Variants in ZFAND6 observed in about 807,000 individuals in gnomAD.
The protein encoded by ZFAND6 is AN1-type zinc finger protein 6.
A neutral mutation model predicts 24.5 loss-of-function variants in ZFAND6; 12 were observed. That is an observed-to-expected ratio of 0.49 (90% confidence interval 0.31 to 0.79). ZFAND6 has a LOEUF of 0.79. ZFAND6 is among the 30% of genes least tolerant of loss of function. ZFAND6 has a pLI of 0.04. For synonymous variants in ZFAND6, 92 were observed against 81.5 expected (o/e 1.13, Z -0.69); for missense variants, 207 against 245.9 (o/e 0.84, Z 1.06).
At chr15:80,092,957 A>G (rs936338459) in intron 1 of ZFAND6, among the ~76,000 whole-genome samples, 12 of 141,944 alleles carry the variant, frequency 8.5e-5, no homozygotes, top group Admixed American at 2.1e-4. Context: ...GGCTACTACA[A>G]TTTTTTTTTT....
chr15:80,074,131 T>G (rs1320013603), intron 1 of ZFAND6, among the ~76,000 whole-genome samples: 2 of 151,924 alleles, frequency 1.3e-5, no homozygotes, highest in Non-Finnish European at 2.9e-5. Context: ...CCTATGGAGC[T>G]CTCTGACTTG....
Position 80,120,313 on chromosome 15 carries a change from T to G in ZFAND6, c.-17-15T>G. 1 of 1,490,594 alleles carries G rather than the reference T, an allele frequency of 6.7e-7. No individual in the cohort carries two copies. The highest frequency in any genetic ancestry group is 9.0e-7 in the Non-Finnish European group (1 of 1,112,046). 92.3% of individuals were successfully genotyped at this position (1,490,594 alleles called of 1,614,324 possible). On this transcript the variant is annotated splice_polypyrimidine_tract_variant and intron_variant, in intron 2 of 6. Coordinates refer to ENST00000261749, the MANE Select transcript of ZFAND6 (RefSeq NM_019006.4). ...TACGTGTCTGAGTTCTTTGCTAATT[T>G]TATGTAATTTTCAGGTGTGCAACTG...
At chr15:80,112,299 G>T (rs993566799) in intron 2 of ZFAND6, among the ~76,000 whole-genome samples, 4 of 152,126 alleles carry the variant, frequency 2.6e-5, no homozygotes, top group Non-Finnish European at 5.9e-5. Flanking sequence ...AGCACAGTCA[G>T]TACAGTAGTC....
chr15:80,073,426 TAGAG>T, intron 1 of ZFAND6: 1 of 204,424 alleles, frequency 4.9e-6, no homozygotes, highest in South Asian at 5.7e-5. Flanking sequence ...GAATATTTTT[TAGAG>T]ACTGTTTTCT....
chr15:80,067,461 G>A lies in ZFAND6; in HGVS notation c.-181+7652G>A, dbSNP rs895274197. Among the ~76,000 whole-genome samples the A allele has an allele frequency of 4.6e-5, 7 of 151,966 alleles. No individual in the cohort carries two copies. The South Asian group carries it at 1.5e-3, about 32-fold the overall frequency. On this transcript the variant is annotated intron_variant, in intron 1 of 6. Transcript: ENST00000261749. The stretch of plus-strand genomic sequence containing the variant: ...GGCTTCATGGGCTCATTTTATATTG[G>A]GCTTTTCTTTCATAAACATTTGTAA...
intron 2 of ZFAND6, among the ~76,000 whole-genome samples, chr15:80,111,079 A>G (rs948097952): frequency 7.0e-4 from 106 of 152,232 alleles, no homozygotes; most frequent in African/African-American, 2.5e-3. Flanking sequence ...TTCAGATTCA[A>G]TTGTTGAGTA....
intron 6 of ZFAND6, 22 bp downstream of exon 6, chr15:80,131,315 T>C (rs575828261): frequency 1.3e-6 from 2 of 1,587,644 alleles, no homozygotes; most frequent in Non-Finnish European, 1.7e-6. Flanking sequence ...AATCAAATGT[T>C]TAAAATTAAA....
intron 1 of ZFAND6, among the ~76,000 whole-genome samples, chr15:80,095,820 G>A (rs1258178799): frequency 2.0e-5 from 3 of 152,000 alleles, no homozygotes; most frequent in African/African-American, 4.8e-5. Flanking sequence ...GTTCTTTTTT[G>A]TCTTTTCGAT....
intron 1 of ZFAND6, among the ~76,000 whole-genome samples, chr15:80,078,116 T>G (rs977107227): frequency 3.9e-5 from 6 of 152,194 alleles, no homozygotes; most frequent in African/African-American, 1.4e-4. Flanking sequence ...CATGGGTAAA[T>G]TGCATGTCAC....
At chr15:80,123,795 G>A (rs1054265985) in intron 5 of ZFAND6, among the ~76,000 whole-genome samples, 2 of 152,196 alleles carry the variant, frequency 1.3e-5, no homozygotes, top group African/African-American at 2.4e-5. Flanking sequence ...GATTGCTTGA[G>A]CCCAGGAATT....
intron 2 of ZFAND6, among the ~76,000 whole-genome samples, chr15:80,119,792 A>G (rs907986528): frequency 6.6e-6 from 1 of 152,200 alleles, no homozygotes; most frequent in Non-Finnish European, 1.5e-5. Context: ...CTTGCTTTCC[A>G]AAAAGATTGA....
intron 1 of ZFAND6, among the ~76,000 whole-genome samples, chr15:80,080,768 A>G (rs1473025619): frequency 3.3e-5 from 5 of 152,192 alleles, no homozygotes; most frequent in Admixed American, 3.3e-4. Flanking sequence ...GAAGCTTACA[A>G]TCACTGCGGA....
At chr15:80,097,146 T>C (rs1235033226) in intron 1 of ZFAND6, among the ~76,000 whole-genome samples, 2 of 151,746 alleles carry the variant, frequency 1.3e-5, no homozygotes, top group African/African-American at 4.8e-5. Context: ...ATTACAGGCA[T>C]GTGCCACCAT....
intron 1 of ZFAND6, among the ~76,000 whole-genome samples, chr15:80,080,307 G>A (rs1032863509): frequency 1.3e-5 from 2 of 152,092 alleles, no homozygotes; most frequent in Non-Finnish European, 2.9e-5. Flanking sequence ...TACACAACCA[G>A]TTTTCTTAAA....
At chr15:80,123,981 A>C (rs1043926662) in intron 5 of ZFAND6, among the ~76,000 whole-genome samples, 1 of 152,154 alleles carries the variant, frequency 6.6e-6, no homozygotes, top group Admixed American at 6.5e-5. Flanking sequence ...GTTTGTGTAG[A>C]TTTTGCCGTA....
At chr15:80,097,557 G>C (rs777720110) in intron 1 of ZFAND6, among the ~76,000 whole-genome samples, 75 of 152,184 alleles carry the variant, frequency 4.9e-4, no homozygotes, top group Non-Finnish European at 9.1e-4. Context: ...ACTGAGGCAG[G>C]AGAATCTCTT....
chr15:80,070,975 A>T (rs2036943457), intron 1 of ZFAND6, among the ~76,000 whole-genome samples: 1 of 152,206 alleles, frequency 6.6e-6, no homozygotes, highest in Non-Finnish European at 1.5e-5. Flanking sequence ...AACTTGACTC[A>T]TGAAGTGCTG....
rs144905247 is a variant in ZFAND6 at position 80,137,540 on chromosome 15, A to G, written c.539A>G (p.Asn180Ser). The change falls in exon 7 of 7, where the codon AAT (asparagine) becomes AGT (serine). Residue 180 changes from asparagine (N) to serine (S), a missense_variant. Transcript: ENST00000261749. ...CGVHRYSDVH[N>S]CSYNYKADAA... The stretch of plus-strand genomic sequence containing the variant: ...GTACACCGTTACTCAGATGTACACA[A>G]TTGCTCTTACAATTACAAAGCCGAT... The G allele has an allele frequency of 1.1e-4, 171 of 1,607,172 alleles. No individual in the cohort carries two copies. Among genetic ancestry groups the G allele is most frequent in the Non-Finnish European group, 1.4e-4 (164 of 1,178,140 alleles).
Position 80,095,759 on chromosome 15 carries a change from C to T in ZFAND6, c.-180-2657C>T, listed in dbSNP as rs1017325102. Among the ~76,000 whole-genome samples the T allele has an allele frequency of 2.6e-5, 4 of 152,162 alleles. No homozygotes were observed. The South Asian group carries it at 6.2e-4, about 24-fold the overall frequency. On this transcript the variant is annotated intron_variant, in intron 1 of 6. Coordinates refer to ENST00000261749, the MANE Select transcript of ZFAND6 (RefSeq NM_019006.4). ...GTTTCAAGTTCTGTACTCTGTACCA[C>T]GTGAGATGAGCCTGCTTTATTTGTG...
Sources: gnomAD v4.1 joint callset for allele counts (sites outside exome capture counted in the v4.1 genomes callset) on GRCh38, gnomAD v4.1.1 for gene constraint, MANE v1.5 for transcripts, NCBI Gene and HGNC (gene_info 2026-07-23, HGNC 2026-07-21) for gene names.